The following TTC28 variants were observed in gnomAD, a reference collection of about 807,000 sequenced individuals.
TTC28 encodes tetratricopeptide repeat protein 28.
TTC28 carries 61 observed loss-of-function variants against 198.0 expected under a neutral mutation model. The observed-to-expected ratio is 0.31, with a 90% CI of 0.25 to 0.38. TTC28 has a LOEUF of 0.38. Ranked by LOEUF, TTC28 falls within the 10% of genes least tolerant of loss-of-function variation. The probability of loss-of-function intolerance (pLI) is 1.00; values close to 1 mark genes in which losing one functional copy is unlikely to be tolerated. For synonymous variants in TTC28, 1,171 were observed against 1,297.8 expected, an observed-to-expected ratio of 0.90 and a Z score of 2.10; for missense variants, 2,678 against 3,164.0, an observed-to-expected ratio of 0.85 and a Z score of 3.69.
At chr22:28,196,306 T>G (rs1412976614) in intron 5 of TTC28, among the ~76,000 whole-genome samples, 1 of 152,118 alleles carries the variant, frequency 6.6e-6, no homozygotes. Context: ...ATAAAAGACT[T>G]AAATGTTAGA....
intron 5 of TTC28, among the ~76,000 whole-genome samples, chr22:28,267,662 A>C (rs1479847333): frequency 6.6e-6 from 1 of 152,252 alleles, no homozygotes; most frequent in Non-Finnish European, 1.5e-5. Context: ...GAGGAAGATC[A>C]TCATATAAAT....
intron 12 of TTC28, among the ~76,000 whole-genome samples, chr22:28,075,592 T>C (rs895459476): frequency 3.3e-5 from 5 of 152,316 alleles, no homozygotes; most frequent in Admixed American, 6.5e-5. Context: ...AAGCAGAAGC[T>C]GGGGAAATGT....
chr22:28,044,675 T>C (rs1939793879), intron 12 of TTC28, among the ~76,000 whole-genome samples: 1 of 152,160 alleles, frequency 6.6e-6, no homozygotes, highest in African/African-American at 2.4e-5. Context: ...CATTGTTCAA[T>C]TCCCACCTAT....
Position 27,982,633 on chromosome 22 carries a change from A to C in TTC28, c.7034T>G (p.Leu2345Arg). 1 of 1,551,428 alleles carries C rather than the reference A, an allele frequency of 6.4e-7. No individual in the cohort carries two copies. The highest frequency in any genetic ancestry group is 2.4e-5 in the East Asian group (1 of 40,874). Reference sequence around the variant, plus strand: ...CTTTTCATCAATGGCTGCCATTTTCAGTTTGTCTATGTCGGGAGCGTCTGC... The same window carrying C: ...CTTTTCATCAATGGCTGCCATTTTCCGTTTGTCTATGTCGGGAGCGTCTGC... ...SPADAPDIDK[L>R]KMAAIDEKVQ... Residue 2345 changes from leucine to arginine, a missense_variant, in exon 23 of 23, where the codon CTG (leucine) becomes CGG (arginine). Around this residue, in one of 8 missense-constraint regions of TTC28, gnomAD observed 622 missense variants for 656.0 expected, o/e 0.95. Transcript: ENST00000397906. The surrounding 1 kb of genome is among the most constrained non-coding windows in gnomAD (Gnocchi z 5.2).
chr22:28,591,036 CACACATATATATATAT>C (rs1453971651), intron 2 of TTC28, among the ~76,000 whole-genome samples: 140 of 29,282 alleles, frequency 4.8e-3, no homozygotes, highest in Admixed American at 0.012. Context: ...CACACACACA[CACACATATATATATAT>C]ATATATATAT....
At chr22:28,463,783 G>T (rs1360747510) in intron 2 of TTC28, among the ~76,000 whole-genome samples, 1 of 151,976 alleles carries the variant, frequency 6.6e-6, no homozygotes, top group African/African-American at 2.4e-5. Flanking sequence ...GAGGGGGAGG[G>T]ATAGCATTGG....
chr22:28,496,365 T>C (rs769313891), intron 2 of TTC28, among the ~76,000 whole-genome samples: 2 of 151,980 alleles, frequency 1.3e-5, no homozygotes, highest in African/African-American at 4.8e-5. Context: ...GCTCCAGATC[T>C]CTCTCAAAAA....
intron 12 of TTC28, among the ~76,000 whole-genome samples, chr22:28,055,611 A>G (rs1396950376): frequency 1.3e-5 from 2 of 152,200 alleles, no homozygotes; most frequent in African/African-American, 4.8e-5. Context: ...CAACAACTCT[A>G]TGAGGCAACG....
intron 1 of TTC28, among the ~76,000 whole-genome samples, chr22:28,662,000 C>A (rs2051756985): frequency 6.6e-6 from 1 of 151,796 alleles, no homozygotes; most frequent in Non-Finnish European, 1.5e-5. Context: ...TTCAGCCTCC[C>A]AAATAGCTGA....
At chr22:28,310,784 ATT>A (rs749034032) in intron 2 of TTC28, among the ~76,000 whole-genome samples, 7 of 144,652 alleles carry the variant, frequency 4.8e-5, no homozygotes, top group East Asian at 2.0e-4. Context: ...TTATAATTTA[ATT>A]TTTTTTTTTT....
In TTC28 at chr22:28,499,745, G is replaced by A. The variant is rs138684994; in HGVS notation, c.381+129807C>T. Among the ~76,000 whole-genome samples the A allele has an allele frequency of 3.0e-3, 460 of 152,190 alleles. 4 individuals carry two copies. The highest frequency in any genetic ancestry group is 0.011 in the African/African-American group (439 of 41,534). On this transcript the variant is annotated intron_variant, in intron 2 of 22. Coordinates refer to ENST00000397906, the MANE Select transcript of TTC28 (RefSeq NM_001145418.2). ...TAGCATAGACTGCAGGTCTAAATTA[G>A]CTTATTGAGTAAACTCCAACACTAT...
chr22:28,484,296 C>T (rs376016881), intron 2 of TTC28, among the ~76,000 whole-genome samples: 4 of 151,946 alleles, frequency 2.6e-5, no homozygotes, highest in South Asian at 4.1e-4. Context: ...ATTTTTTATA[C>T]GGATGGGGTC....
At chr22:28,274,460 A>T (rs1932282294) in intron 5 of TTC28, among the ~76,000 whole-genome samples, 1 of 152,230 alleles carries the variant, frequency 6.6e-6, no homozygotes, top group Non-Finnish European at 1.5e-5. Flanking sequence ...CTAAGGGATG[A>T]GATAGTCTCA....
intron 2 of TTC28, among the ~76,000 whole-genome samples, chr22:28,382,387 C>T (rs1285129663): frequency 6.6e-6 from 1 of 152,098 alleles, no homozygotes; most frequent in Non-Finnish European, 1.5e-5. Flanking sequence ...CTTGAGTATT[C>T]CCTGGGCCTC....
chr22:28,323,400 T>C (rs778622000), intron 2 of TTC28, among the ~76,000 whole-genome samples: 3 of 152,196 alleles, frequency 2.0e-5, no homozygotes, highest in Non-Finnish European at 4.4e-5. Context: ...TTCAGAATCC[T>C]ATCAGATAAA....
chr22:28,126,059 CAT>C (rs1241536671), intron 6 of TTC28, among the ~76,000 whole-genome samples: 1 of 152,152 alleles, frequency 6.6e-6, no homozygotes, highest in Non-Finnish European at 1.5e-5. Context: ...CAAAAAACAA[CAT>C]ATGAAACGAG....
chr22:28,485,461 A>G (rs1258210302), intron 2 of TTC28, among the ~76,000 whole-genome samples: 1 of 152,070 alleles, frequency 6.6e-6, no homozygotes, highest in Non-Finnish European at 1.5e-5. Flanking sequence ...TCTATCCTGT[A>G]TTTTCCATAT....
At chr22:28,525,908 A>C (rs1021611838) in intron 2 of TTC28, among the ~76,000 whole-genome samples, 1 of 152,322 alleles carries the variant, frequency 6.6e-6, no homozygotes, top group Non-Finnish European at 1.5e-5. Context: ...TTAACAAACA[A>C]ACACTATAGT....
At chr22:28,237,225 C>G (rs1043106184) in intron 5 of TTC28, among the ~76,000 whole-genome samples, 1 of 152,102 alleles carries the variant, frequency 6.6e-6, no homozygotes, top group South Asian at 2.1e-4. Flanking sequence ...CTCCACAGCC[C>G]TCTTCAACTG....
Sources: gnomAD v4.1 joint callset for allele counts (sites outside exome capture counted in the v4.1 genomes callset) on GRCh38, gnomAD v4.1.1 for gene constraint, gnomAD v4.1.1 regional missense constraint, Gnocchi (gnomAD v3.1) non-coding constraint, MANE v1.5 for transcripts, NCBI Gene and HGNC (gene_info 2026-07-23, HGNC 2026-07-21) for gene names.